The following KIAA1217 variants were observed in gnomAD, a reference collection of about 807,000 sequenced individuals.
KIAA1217 encodes the protein sickle tail protein homolog.
A neutral mutation model predicts 163.9 loss-of-function variants in KIAA1217; 88 were observed. The observed-to-expected ratio is 0.54, with a 90% CI of 0.45 to 0.64. KIAA1217 has a LOEUF of 0.64. Among genes scored for constraint, KIAA1217 ranks in the 30% least tolerant of loss-of-function variants. The probability of loss-of-function intolerance (pLI) is 0.00; values close to 1 mark genes in which losing one functional copy is unlikely to be tolerated. For missense variants in KIAA1217, 2,372 were observed against 2,475.0 expected (o/e 0.96, Z 0.88); for synonymous variants, 903 against 923.1 (o/e 0.98, Z 0.39).
At chr10:24,174,195 G>A (rs563221511) in intron 2 of KIAA1217, among the ~76,000 whole-genome samples, 15 of 152,334 alleles carry the variant, frequency 9.8e-5, no homozygotes, top group Admixed American at 6.5e-4. Context: ...TGGAGTATGA[G>A]TTATCATTAT....
chr10:24,218,754 G>T (rs2069184057), intron 1 of KIAA1217, among the ~76,000 whole-genome samples: 1 of 152,168 alleles, frequency 6.6e-6, no homozygotes, highest in South Asian at 2.1e-4. Context: ...CTCCCAAAGT[G>T]CTGGGATTAC....
In KIAA1217 at chr10:23,991,553, G is replaced by A. The variant is rs568341966; in HGVS notation, c.-320-15672G>A. The stretch of plus-strand genomic sequence containing the variant: ...GAAAAGGGAGTAATCTCTATACACC[G>A]CCCTGGATTTGAACTGGACTGTAAA... On this transcript the variant is annotated intron_variant, in intron 1 of 18. Coordinates refer to the KIAA1217 transcript ENST00000376462. 3.0e-4 allele frequency among the ~76,000 whole-genome samples: 46 copies of A among 152,226 alleles called. 1 individual carries two copies. Among genetic ancestry groups the A allele is most frequent in the African/African-American group, 9.6e-4 (40 of 41,542 alleles).
intron 1 of KIAA1217, among the ~76,000 whole-genome samples, chr10:23,739,677 T>C (rs1318254983): frequency 6.6e-6 from 1 of 152,160 alleles, no homozygotes; most frequent in Non-Finnish European, 1.5e-5. Flanking sequence ...TAATCTTACA[T>C]TTGTTGTTAC....
chr10:24,128,190 G>A (rs2063533288), intron 2 of KIAA1217, among the ~76,000 whole-genome samples: 1 of 152,138 alleles, frequency 6.6e-6, no homozygotes, highest in South Asian at 2.1e-4. Flanking sequence ...ACCATCTCAG[G>A]CCCTGGTCAG....
chr10:24,052,850 C>T (rs143930015), intron 2 of KIAA1217, among the ~76,000 whole-genome samples: 57 of 152,176 alleles, frequency 3.7e-4, no homozygotes, highest in East Asian at 1.3e-3. Context: ...CAAATTATCA[C>T]GAGCCTCTCT....
At chr10:23,860,237 A>AT (rs72322157) in intron 1 of KIAA1217, among the ~76,000 whole-genome samples, 2,069 of 147,128 alleles carry the variant, frequency 0.014, 59 homozygotes, top group African/African-American at 0.045. Context: ...GTAAATGCAC[A>AT]TTTTTTTTTT....
At chr10:23,705,355 T>A (rs7085232) in intron 1 of KIAA1217, among the ~76,000 whole-genome samples, 21,809 of 152,164 alleles carry the variant, frequency 0.14, 2,724 homozygotes, top group African/African-American at 0.33. Context: ...TTTATTCCTG[T>A]GTTTTCTTCT....
intron 1 of KIAA1217, among the ~76,000 whole-genome samples, chr10:23,831,531 G>C (rs560747570): frequency 6.6e-6 from 1 of 152,272 alleles, no homozygotes; most frequent in South Asian, 2.1e-4. Context: ...GATTTCCTTG[G>C]TGTTTGCATG....
chr10:23,845,050 C>T (rs1354131796), intron 1 of KIAA1217, among the ~76,000 whole-genome samples: 1 of 152,154 alleles, frequency 6.6e-6, no homozygotes, highest in East Asian at 1.9e-4. Flanking sequence ...ATCCATGTCC[C>T]TGCAAAGAAC....
intron 1 of KIAA1217, among the ~76,000 whole-genome samples, chr10:23,948,610 TA>T (rs1589129586): frequency 6.6e-6 from 1 of 152,264 alleles, no homozygotes; most frequent in East Asian, 1.9e-4. Context: ...GTGTATTCAT[TA>T]TTGCCATTTT....
At chr10:23,735,771 C>T (rs1256826134) in intron 1 of KIAA1217, among the ~76,000 whole-genome samples, 3 of 152,114 alleles carry the variant, frequency 2.0e-5, no homozygotes, top group African/African-American at 7.2e-5. Context: ...CTTATTTAAA[C>T]ACCTTTATTG....
intron 1 of KIAA1217, among the ~76,000 whole-genome samples, chr10:23,904,668 C>T (rs1842079908): frequency 6.6e-6 from 1 of 152,080 alleles, no homozygotes; most frequent in African/African-American, 2.4e-5. Flanking sequence ...GCTCAAATTT[C>T]ATTGGCCCAA....
chr10:23,727,476 C>G (rs1377378525), intron 1 of KIAA1217, among the ~76,000 whole-genome samples: 1 of 152,014 alleles, frequency 6.6e-6, no homozygotes, highest in Non-Finnish European at 1.5e-5. Flanking sequence ...AAGAGAATCA[C>G]TTGAACCTGG....
chr10:24,069,107 G>A (rs1589381825), intron 2 of KIAA1217, among the ~76,000 whole-genome samples: 2 of 152,196 alleles, frequency 1.3e-5, no homozygotes, highest in Non-Finnish European at 2.9e-5. Flanking sequence ...TTGAGCCAGG[G>A]GGCAGAGCTA....
chr10:23,842,577 G>T (rs1838838117), intron 1 of KIAA1217, among the ~76,000 whole-genome samples: 1 of 152,066 alleles, frequency 6.6e-6, no homozygotes, highest in Admixed American at 6.6e-5. Context: ...AGTAAATAGG[G>T]ATGATATTTA....
intron 6 of KIAA1217, among the ~76,000 whole-genome samples, chr10:24,488,562 G>A (rs190404580): frequency 6.6e-6 from 1 of 152,184 alleles, no homozygotes; most frequent in Non-Finnish European, 1.5e-5. Flanking sequence ...TGTATTGGGA[G>A]TTTGGGGAAC....
At chr10:24,407,803 C>T (rs2057376116) in intron 3 of KIAA1217, among the ~76,000 whole-genome samples, 1 of 152,132 alleles carries the variant, frequency 6.6e-6, no homozygotes, top group Non-Finnish European at 1.5e-5. Flanking sequence ...TGAAGAGTGG[C>T]CTGGTAGCCC....
At chr10:23,999,556 G>T (rs1026633151) in intron 1 of KIAA1217, among the ~76,000 whole-genome samples, 6 of 152,160 alleles carry the variant, frequency 3.9e-5, no homozygotes, top group Non-Finnish European at 8.8e-5. Flanking sequence ...CAGGGATGGT[G>T]CAGAGATGGG....
intron 2 of KIAA1217, among the ~76,000 whole-genome samples, chr10:24,156,295 A>G (rs548216415): frequency 6.6e-6 from 1 of 152,320 alleles, no homozygotes; most frequent in South Asian, 2.1e-4. Context: ...GTGTGTATCA[A>G]TAATTCATTT....
Sources: gnomAD v4.1 joint callset for allele counts (sites outside exome capture counted in the v4.1 genomes callset) on GRCh38, gnomAD v4.1.1 for gene constraint, MANE v1.5 for transcripts, NCBI Gene and HGNC (gene_info 2026-07-23, HGNC 2026-07-21) for gene names.